C7: variants seen among roughly 807,000 people sequenced by gnomAD.
The protein encoded by C7 is complement C7, also known as complement component C7.
In C7, 83 loss-of-function variants were observed where a neutral mutation model predicts 104.8. The ratio of observed to expected loss-of-function variants is 0.79; its 90% CI spans 0.66 to 0.95. C7 has a LOEUF of 0.95. C7 is among the 40% of genes least tolerant of loss of function. The pLI, the probability that C7 is intolerant of heterozygous loss-of-function variation, is 0.00. For missense variants in C7, 1,070 were observed against 1,011.2 expected (o/e 1.06, Z -0.79); for synonymous variants, 415 against 360.6 (o/e 1.15, Z -1.71).
intron 6 of C7, among the ~76,000 whole-genome samples, chr5:40,942,062 G>T (rs1449740041): frequency 1.3e-5 from 2 of 152,210 alleles, no homozygotes; most frequent in Non-Finnish European, 2.9e-5. Context: ...GCCGAATGAT[G>T]TTGAGAGAAG....
At chr5:40,930,124 T>C (rs1397200954) in intron 2 of C7, among the ~76,000 whole-genome samples, 1 of 152,110 alleles carries the variant, frequency 6.6e-6, no homozygotes, top group Non-Finnish European at 1.5e-5. Context: ...ATCCATCAAA[T>C]GAGATATATT....
chr5:40,979,204 A>G (rs1740884082), intron 16 of C7, among the ~76,000 whole-genome samples: 1 of 152,146 alleles, frequency 6.6e-6, no homozygotes, highest in African/African-American at 2.4e-5. Context: ...GTAAACATAG[A>G]TACTTTTAAA....
At chr5:40,914,913 G>A (rs1739288485) in intron 1 of C7, among the ~76,000 whole-genome samples, 1 of 152,172 alleles carries the variant, frequency 6.6e-6, no homozygotes, top group African/African-American at 2.4e-5. Context: ...ACACGGATGT[G>A]TGCAGGGATC....
Position 40,972,475 on chromosome 5 carries a change from G to A in C7, c.1955G>A (p.Gly652Asp). 6.2e-7 allele frequency: 1 copy of A among 1,613,870 alleles called. No individual in the cohort carries two copies. The highest frequency in any genetic ancestry group is 8.5e-7 in the Non-Finnish European group (1 of 1,179,794). Residue 652 changes from glycine to aspartate, a missense_variant, in exon 15 of 18, where the codon GGT (glycine) becomes GAT (aspartate). By Grantham distance (94) the Gly-to-Asp change is moderately conservative. Transcript: ENST00000313164. ...SHPQKPFYTV[G>D]EKVTVSCSGG... ...CCCCAAAAACCTTTCTACACAGTTG[G>A]TGAGAAGGTGACTGTTTCCTGTTCA...
intron 2 of C7, among the ~76,000 whole-genome samples, chr5:40,929,289 T>C (rs1453408382): frequency 1.3e-5 from 2 of 152,176 alleles, no homozygotes; most frequent in African/African-American, 2.4e-5. Context: ...CTCAGGGTGA[T>C]GTGAGAGCAC....
At chr5:40,931,952 G>A (rs972377957) in intron 3 of C7, among the ~76,000 whole-genome samples, 1 of 152,058 alleles carries the variant, frequency 6.6e-6, no homozygotes, top group African/African-American at 2.4e-5. Flanking sequence ...TAGAGATGAG[G>A]TTTAACCATC....
chr5:40,930,994 T>G, intron 2 of C7, 70 bp from the exon 3 acceptor site: 1 of 1,047,952 alleles, frequency 9.5e-7, no homozygotes, highest in Non-Finnish European at 1.5e-6. Flanking sequence ...TTGACTGTTT[T>G]CACTATTCTT....
At chr5:40,955,596 T>C (rs758328861) in intron 10 of C7, 43 bp downstream of exon 10, 7 of 1,567,246 alleles carry the variant, frequency 4.5e-6, no homozygotes, top group Non-Finnish European at 6.1e-6. Context: ...CAGTCATGTT[T>C]ATTTGCATGA....
intron 3 of C7, 60 bp downstream of exon 3, chr5:40,931,199 A>C (rs1253602751): frequency 1.6e-6 from 2 of 1,231,524 alleles, no homozygotes; most frequent in Non-Finnish European, 2.4e-6. Flanking sequence ...TGGCATGGCC[A>C]AAATGGTATT....
Position 40,947,673 on chromosome 5 carries a change from A to G in C7, c.810A>G (p.Leu270=). 6.2e-7 allele frequency: 1 copy of G among 1,613,672 alleles called. No homozygotes were observed. Among genetic ancestry groups the G allele is most frequent in the Non-Finnish European group, 8.5e-7 (1 of 1,179,754 alleles). ...AQFINNNPEF[L]QLAEPFWKEL... ...TCATTAATAACAATCCAGAATTTTT[A>G]CAACTTGCTGAGCCATTCTGGAAGG... The change falls in exon 8 of 18, where the codon TTA becomes TTG. Residue 270 remains leucine (L), a synonymous_variant. Transcript: ENST00000313164.
chr5:40,944,402 T>TA (rs1344941476), intron 6 of C7, among the ~76,000 whole-genome samples: 1 of 152,234 alleles, frequency 6.6e-6, no homozygotes, highest in African/African-American at 2.4e-5. Flanking sequence ...AACCTGTAGT[T>TA]ACATCTAGTG....
At chr5:40,954,518 A>G (rs1355001236) in intron 9 of C7, among the ~76,000 whole-genome samples, 5 of 152,192 alleles carry the variant, frequency 3.3e-5, no homozygotes, top group African/African-American at 1.2e-4. Flanking sequence ...CTAAAAATAT[A>G]AAGAACATGA....
chr5:40,957,295 C>T (rs751409158), intron 10 of C7, among the ~76,000 whole-genome samples: 4 of 152,130 alleles, frequency 2.6e-5, no homozygotes, highest in Non-Finnish European at 4.4e-5. Flanking sequence ...AAATAGCCAA[C>T]GCAGAGTAAT....
In C7 at chr5:40,934,327, T is replaced by C; in HGVS notation, c.141T>C (p.Thr47=). 1 of 1,592,802 alleles carries C rather than the reference T, an allele frequency of 6.3e-7. No homozygotes were observed. ...ACCACTGCCTGCTTTGTGTTTAGAC[T>C]CGCAGGCGGTCAGTTGCTGTGTATG... ...SECNGCTKTQ[T]RRRSVAVYGQ... Residue 47 remains threonine (T), a splice_region_variant and synonymous_variant, in exon 4 of 18, where the codon ACT becomes ACC. Transcript: ENST00000313164.
chr5:40,950,192 C>T (rs539006965), intron 9 of C7, among the ~76,000 whole-genome samples, 178 bp downstream of exon 9: 72 of 152,230 alleles, frequency 4.7e-4, no homozygotes. Context: ...TCCTGATCTT[C>T]TCCCTCCTCC....
At position 40,946,274 on chromosome 5, in the gene C7, T is replaced by A. The variant is rs1378296713; in HGVS notation, c.738+906T>A. On this transcript the variant is annotated intron_variant, in intron 7 of 17. Coordinates refer to ENST00000313164, the MANE Select transcript of C7 (RefSeq NM_000587.4). ...CCTTCCTCTTGAGAAATCTGAACAG[T>A]AGAGATGGATTGTACTAATTGATAT... is the stretch of plus-strand genomic sequence containing the variant. Among the ~76,000 whole-genome samples, 11 of 152,312 alleles carry A rather than the reference T, an allele frequency of 7.2e-5. No individual in the cohort carries two copies. In the East Asian group the frequency reaches 1.9e-3, roughly 27 times the overall value.
At position 40,934,393 on chromosome 5, in the gene C7, AAC is replaced by A; in HGVS notation, c.211_212del (p.Gln71ValfsTer3). The A allele has an allele frequency of 6.2e-7, 1 of 1,613,712 alleles. No individual in the cohort carries two copies. On this transcript the variant is annotated frameshift_variant, in exon 4 of 18. Coordinates refer to ENST00000313164, the MANE Select transcript of C7 (RefSeq NM_000587.4). LOFTEE classifies it high-confidence loss of function. ...GQPCVGNAFETQSCEPTRGCP... is the reference protein window; with the variant it reads ...GQPCVGNAFEXQSCEPTRGCP... ...AGCCTTGTGTTGGAAATGCTTTTGA[AAC>A]ACAGTCCTGTGAACCTACAAGAGGA...
chr5:40,961,200 G>T (rs575010945), intron 12 of C7, among the ~76,000 whole-genome samples: 1 of 152,232 alleles, frequency 6.6e-6, no homozygotes, highest in East Asian at 1.9e-4. Flanking sequence ...TCATAATCTT[G>T]GACAAGTTAT....
intron 17 of C7, chr5:40,980,110 T>G (rs1740910933): frequency 5.1e-6 from 2 of 395,468 alleles, no homozygotes; most frequent in Non-Finnish European, 8.9e-6. Context: ...GAGGATAAGA[T>G]TCCCACATTC....
Sources: gnomAD v4.1 joint callset for allele counts (sites outside exome capture counted in the v4.1 genomes callset) on GRCh38, gnomAD v4.1.1 for gene constraint, MANE v1.5 for transcripts, NCBI Gene and HGNC (gene_info 2026-07-23, HGNC 2026-07-21) for gene names.